The following GSK3B variants were observed in gnomAD, a reference collection of about 807,000 sequenced individuals.
The protein encoded by GSK3B is glycogen synthase kinase-3 beta.
GSK3B carries 15 observed loss-of-function variants against 56.4 expected under a neutral mutation model. The observed-to-expected ratio is 0.27, with a 90% CI of 0.18 to 0.41. The LOEUF (loss-of-function observed/expected upper bound fraction) is 0.41. Among genes scored for constraint, GSK3B ranks in the 10% least tolerant of loss-of-function variants. The probability of loss-of-function intolerance (pLI) is 1.00; values close to 1 mark genes in which losing one functional copy is unlikely to be tolerated. For missense variants in GSK3B, 300 were observed against 513.4 expected, an observed-to-expected ratio of 0.58 and a Z score of 4.02; for synonymous variants, 181 against 188.9, an observed-to-expected ratio of 0.96 and a Z score of 0.34.
Position 120,058,971 on chromosome 3 carries a change from T to C in GSK3B, c.88+34376A>G, listed in dbSNP as rs575297996. On this transcript the variant is annotated intron_variant, in intron 1 of 10. Transcript: ENST00000264235. ...GTTGCAGTGAGTCAAGATCACGCCA[T>C]TGCACTCCAGCCTGAGTGGCAGAGC... Among the ~76,000 whole-genome samples the C allele has an allele frequency of 1.8e-4, 27 of 150,676 alleles. No homozygotes were observed. The East Asian group carries it at 4.1e-3, about 23-fold the overall frequency.
At chr3:120,013,162 C>T (rs569374036) in intron 1 of GSK3B, among the ~76,000 whole-genome samples, 93 of 152,278 alleles carry the variant, frequency 6.1e-4, no homozygotes, top group Middle Eastern at 3.4e-3. Flanking sequence ...ACGATGAATA[C>T]GGTGACATGG....
rs57127586 is a variant in GSK3B at position 120,078,914 on chromosome 3, TACACACACAC to T, written c.88+14423_88+14432del. Among the ~76,000 whole-genome samples, 255 of 138,316 alleles carry T rather than the reference TACACACACAC, an allele frequency of 1.8e-3. 1 individual carries two copies. The highest frequency in any genetic ancestry group is 2.6e-3 in the Non-Finnish European group (166 of 64,256). 90.7% of individuals were successfully genotyped at this position (138,316 alleles called of 152,430 possible). A position where few individuals can be genotyped will look rare whatever the true frequency, so the allele number is the denominator to read the frequency against. Reference sequence around the variant, plus strand: ...AATTTTCTACAATTTGACAGGAAATTACACACACACACACACACACACACACACACACTTT... The same window carrying T: ...AATTTTCTACAATTTGACAGGAAATTACACACACACACACACACACACTTT... On this transcript the variant is annotated intron_variant, in intron 1 of 10. Coordinates refer to ENST00000264235, the MANE Select transcript of GSK3B (RefSeq NM_001146156.2).
intron 2 of GSK3B, among the ~76,000 whole-genome samples, chr3:119,955,867 G>A (rs1014364286): frequency 6.6e-6 from 1 of 152,066 alleles, no homozygotes; most frequent in Non-Finnish European, 1.5e-5. Flanking sequence ...TGGCCAGGCT[G>A]GTCTCGAACT....
chr3:119,952,634 G>C (rs1406971269), intron 2 of GSK3B, among the ~76,000 whole-genome samples: 1 of 145,664 alleles, frequency 6.9e-6, no homozygotes, highest in Non-Finnish European at 1.5e-5. Context: ...GAGCAACAGA[G>C]AAATCACTCA....
At chr3:119,992,665 A>G (rs1464319294) in intron 2 of GSK3B, among the ~76,000 whole-genome samples, 2 of 152,070 alleles carry the variant, frequency 1.3e-5, no homozygotes, top group Non-Finnish European at 2.9e-5. Flanking sequence ...ACCATACACA[A>G]AGTAAAAATT....
chr3:119,828,685 C>T (rs1559798739), intron 10 of GSK3B, among the ~76,000 whole-genome samples: 1 of 152,214 alleles, frequency 6.6e-6, no homozygotes, highest in Non-Finnish European at 1.5e-5. Flanking sequence ...ACATAGGGAA[C>T]TCTATGATGG....
intron 3 of GSK3B, among the ~76,000 whole-genome samples, chr3:119,936,337 A>ATAT (rs1428442591): frequency 3.6e-5 from 5 of 139,152 alleles, no homozygotes; most frequent in African/African-American, 1.4e-4. Context: ...ATATATAAAA[A>ATAT]ATATATATAT....
intron 1 of GSK3B, among the ~76,000 whole-genome samples, chr3:120,030,947 G>A (rs1270140350): frequency 6.6e-6 from 1 of 152,124 alleles, no homozygotes; most frequent in Non-Finnish European, 1.5e-5. Flanking sequence ...TCTAAATCCA[G>A]TATTCAATAC....
intron 10 of GSK3B, among the ~76,000 whole-genome samples, chr3:119,827,932 T>C (rs1339096367): frequency 2.6e-5 from 4 of 151,964 alleles, no homozygotes; most frequent in Non-Finnish European, 5.9e-5. Flanking sequence ...AGTACAAAAA[T>C]AATTTAATTG....
At chr3:119,952,077 T>G (rs1381186412) in intron 2 of GSK3B, among the ~76,000 whole-genome samples, 2 of 151,384 alleles carry the variant, frequency 1.3e-5, no homozygotes, top group African/African-American at 2.4e-5. Flanking sequence ...ATCACACATA[T>G]CAACATATGT....
chr3:120,089,097 A>G (rs2058489731), intron 1 of GSK3B, among the ~76,000 whole-genome samples: 1 of 152,238 alleles, frequency 6.6e-6, no homozygotes, highest in Non-Finnish European at 1.5e-5. Context: ...TACACAGTAA[A>G]GCGTGCAAGT....
chr3:119,861,524 AC>A lies in GSK3B; in HGVS notation c.1096+1894del, dbSNP rs1211736906. On this transcript the variant is annotated intron_variant, in intron 9 of 10. Coordinates refer to ENST00000264235, the MANE Select transcript of GSK3B (RefSeq NM_001146156.2). ...AGACTCCGTCTCAAAAAAAAAAAAA[AC>A]AAAACAAACAAACAAACAAACAAAA... Among the ~76,000 whole-genome samples, 6 of 151,670 alleles carry A rather than the reference AC, an allele frequency of 4.0e-5. No individual in the cohort carries two copies. The East Asian group carries it at 5.8e-4, about 15-fold the overall frequency.
intron 7 of GSK3B, among the ~76,000 whole-genome samples, chr3:119,899,124 G>T (rs74469930): frequency 0.098 from 14,839 of 152,110 alleles, 772 homozygotes; most frequent in South Asian, 0.15. Context: ...AGGAGCAAAT[G>T]ATGTCGATGA....
chr3:120,065,219 C>G (rs1431627911), intron 1 of GSK3B, among the ~76,000 whole-genome samples: 1 of 152,040 alleles, frequency 6.6e-6, no homozygotes. Flanking sequence ...TAATATCTGA[C>G]AAAGGTGAAG....
chr3:119,833,687 G>GTTTTTTTTTTTTTTTT (rs1162358136), intron 10 of GSK3B, among the ~76,000 whole-genome samples: 1 of 133,448 alleles, frequency 7.5e-6, no homozygotes, highest in African/African-American at 2.9e-5. Flanking sequence ...GAAACATTAG[G>GTTTTTTTTTTTTTTTT]TTGTTTTTTT....
intron 1 of GSK3B, among the ~76,000 whole-genome samples, chr3:120,045,186 G>C (rs1167421511): frequency 2.0e-5 from 3 of 152,152 alleles, no homozygotes. Context: ...GCAAAGCCCA[G>C]ACATGTTAAA....
intron 3 of GSK3B, among the ~76,000 whole-genome samples, chr3:119,933,118 C>T (rs1404800425): frequency 2.6e-5 from 4 of 152,024 alleles, no homozygotes; most frequent in African/African-American, 4.8e-5. Flanking sequence ...TATGGAAATA[C>T]GCATTAACAG....
chr3:119,861,193 T>C (rs2056096474), intron 9 of GSK3B, among the ~76,000 whole-genome samples: 1 of 152,122 alleles, frequency 6.6e-6, no homozygotes, highest in Non-Finnish European at 1.5e-5. Context: ...AAAATTAGAA[T>C]ACAGAGTATC....
intron 8 of GSK3B, among the ~76,000 whole-genome samples, chr3:119,867,779 T>C (rs763112618): frequency 6.6e-6 from 1 of 152,108 alleles, no homozygotes; most frequent in Non-Finnish European, 1.5e-5. Flanking sequence ...TAGTTTCCAG[T>C]GGGGGAATTA....
Sources: allele counts gnomAD v4.1 joint callset (sites outside exome capture counted in the v4.1 genomes callset), GRCh38; gene constraint gnomAD v4.1.1; transcripts MANE v1.5; gene names NCBI Gene and HGNC (gene_info 2026-07-23, HGNC 2026-07-21).